The following GALNT17 variants were observed in gnomAD, a reference collection of about 807,000 sequenced individuals.
GALNT17 encodes the protein polypeptide N-acetylgalactosaminyltransferase 17.
GALNT17 carries 29 observed loss-of-function variants against 63.7 expected under a neutral mutation model. The ratio of observed to expected loss-of-function variants is 0.46; its 90% CI spans 0.34 to 0.62. The LOEUF is 0.62. Ranked by LOEUF, GALNT17 falls within the 20% of genes least tolerant of loss-of-function variation. The pLI, the probability that GALNT17 is intolerant of heterozygous loss-of-function variation, is 0.01. For missense variants in GALNT17, 603 were observed against 799.6 expected, an observed-to-expected ratio of 0.75 and a Z score of 2.97; for synonymous variants, 305 against 318.3, an observed-to-expected ratio of 0.96 and a Z score of 0.45.
At chr7:71,165,718 C>T (rs1788427880) in intron 1 of GALNT17, among the ~76,000 whole-genome samples, 1 of 152,116 alleles carries the variant, frequency 6.6e-6, no homozygotes, top group South Asian at 2.1e-4. Context: ...AACGATTTTC[C>T]TTTGTATTGC....
chr7:71,705,919 C>T (rs1387436862), intron 9 of GALNT17, among the ~76,000 whole-genome samples: 1 of 152,110 alleles, frequency 6.6e-6, no homozygotes, highest in Admixed American at 6.6e-5. Context: ...AAGAGACGCT[C>T]AAGGAAGGAG....
intron 1 of GALNT17, among the ~76,000 whole-genome samples, chr7:71,161,526 A>G (rs929153242): frequency 2.6e-5 from 4 of 152,100 alleles, no homozygotes; most frequent in South Asian, 2.1e-4. Context: ...GTGTTGATCA[A>G]TTTTTTGGAT....
chr7:71,406,574 C>A (rs1289452361), intron 3 of GALNT17, among the ~76,000 whole-genome samples: 2 of 152,068 alleles, frequency 1.3e-5, no homozygotes, highest in African/African-American at 4.8e-5. Context: ...TCTCCCCGCG[C>A]CACCATCTTT....
intron 9 of GALNT17, among the ~76,000 whole-genome samples, chr7:71,695,150 C>T (rs1419781606): frequency 1.3e-5 from 2 of 152,192 alleles, no homozygotes; most frequent in Admixed American, 6.5e-5. Flanking sequence ...CCTCTCTCAC[C>T]CAGCTCTTCC....
intron 5 of GALNT17, among the ~76,000 whole-genome samples, chr7:71,464,426 A>G (rs1787502598): frequency 1.3e-5 from 2 of 152,082 alleles, no homozygotes; most frequent in South Asian, 4.1e-4. Flanking sequence ...TTTGCCAAGA[A>G]CACGCTCCTG....
chr7:71,374,205 C>A (rs1212106624), intron 2 of GALNT17, among the ~76,000 whole-genome samples: 2 of 152,194 alleles, frequency 1.3e-5, no homozygotes, highest in Non-Finnish European at 2.9e-5. Flanking sequence ...GAAGCAGGAG[C>A]TTTGGAGTCA....
At chr7:71,495,951 C>T (rs575141066) in intron 5 of GALNT17, among the ~76,000 whole-genome samples, 8 of 152,222 alleles carry the variant, frequency 5.3e-5, no homozygotes, top group Middle Eastern at 3.4e-3. Context: ...ATTGAGAGTC[C>T]AGCCTGCCAA....
intron 6 of GALNT17, among the ~76,000 whole-genome samples, chr7:71,609,320 T>C (rs1204592534): frequency 6.6e-6 from 1 of 152,214 alleles, no homozygotes; most frequent in African/African-American, 2.4e-5. Context: ...AGATGAGGAC[T>C]GAGGTCACCA....
chr7:71,533,326 TAAC>T (rs1415461663), intron 5 of GALNT17, among the ~76,000 whole-genome samples: 2 of 152,240 alleles, frequency 1.3e-5, no homozygotes, highest in African/African-American at 4.8e-5. Flanking sequence ...TTGCAGTTGA[TAAC>T]AACCAAAACA....
intron 3 of GALNT17, among the ~76,000 whole-genome samples, chr7:71,414,658 G>C (rs926668287): frequency 6.6e-6 from 1 of 152,182 alleles, no homozygotes; most frequent in Non-Finnish European, 1.5e-5. Flanking sequence ...CCTGTTCCTG[G>C]GAAGAGCCAC....
chr7:71,286,616 T>C (rs1790878323), intron 1 of GALNT17, among the ~76,000 whole-genome samples: 1 of 152,110 alleles, frequency 6.6e-6, no homozygotes, highest in Non-Finnish European at 1.5e-5. Flanking sequence ...AAGGGAGCAT[T>C]GGGCACTAAT....
At chr7:71,273,991 A>G (rs1790639771) in intron 1 of GALNT17, among the ~76,000 whole-genome samples, 1 of 152,216 alleles carries the variant, frequency 6.6e-6, no homozygotes, top group Non-Finnish European at 1.5e-5. Flanking sequence ...GCATCTAAGC[A>G]TAGCATGTGC....
rs1562976701 is a variant in GALNT17 at position 71,293,253 on chromosome 7, T to C, written c.239-42297T>C. Among the ~76,000 whole-genome samples the C allele has an allele frequency of 2.0e-5, 3 of 152,204 alleles. No individual in the cohort carries two copies. The South Asian group carries it at 6.2e-4, about 32-fold the overall frequency. ...ATTGCTGGATCATGTGATAGTTCTATTTTTAATTTTTGGGGGGAACCACTA... is the reference window on the plus strand; with the variant it reads ...ATTGCTGGATCATGTGATAGTTCTACTTTTAATTTTTGGGGGGAACCACTA... On this transcript the variant is annotated intron_variant, in intron 1 of 10. Coordinates refer to ENST00000333538, the MANE Select transcript of GALNT17 (RefSeq NM_022479.3).
chr7:71,684,008 CAAAAAAAAA>C (rs5741642), intron 9 of GALNT17, among the ~76,000 whole-genome samples: 3 of 121,442 alleles, frequency 2.5e-5, no homozygotes, highest in African/African-American at 9.4e-5. Flanking sequence ...CACTCTGTCT[CAAAAAAAAA>C]AAAAAAAAAC....
intron 9 of GALNT17, among the ~76,000 whole-genome samples, chr7:71,702,932 T>A (rs1791672776): frequency 6.6e-6 from 1 of 152,150 alleles, no homozygotes; most frequent in Admixed American, 6.5e-5. Context: ...CACAAGAGGA[T>A]CAGTTCAGTT....
intron 1 of GALNT17, among the ~76,000 whole-genome samples, chr7:71,175,192 C>T (rs1036553068): frequency 6.6e-6 from 1 of 151,980 alleles, no homozygotes; most frequent in African/African-American, 2.4e-5. Context: ...ATCCATCCGT[C>T]TATCTATCCC....
At chr7:71,499,364 C>T (rs1788144724) in intron 5 of GALNT17, among the ~76,000 whole-genome samples, 3 of 152,112 alleles carry the variant, frequency 2.0e-5, no homozygotes, top group Admixed American at 2.0e-4. Flanking sequence ...AGTTCCAGAC[C>T]AGCCTGGGCA....
Position 71,569,939 on chromosome 7 carries a change from C to A in GALNT17, c.963-1346C>A, listed in dbSNP as rs751338784. Among the ~76,000 whole-genome samples the A allele has an allele frequency of 6.4e-4, 98 of 152,180 alleles. 1 individual carries two copies. The highest frequency in any genetic ancestry group is 2.2e-3 in the Admixed American group (34 of 15,274). ...TTGAATGGTAGTTCTATTTTTAGTT[C>A]TTTGAGAAATTTCCAAACTGCTTTC... On this transcript the variant is annotated intron_variant, in intron 5 of 10. Coordinates refer to ENST00000333538, the MANE Select transcript of GALNT17 (RefSeq NM_022479.3).
chr7:71,692,732 A>G (rs1461070238), intron 9 of GALNT17, among the ~76,000 whole-genome samples: 1 of 96,724 alleles, frequency 1.0e-5, no homozygotes, highest in Non-Finnish European at 1.9e-5. Context: ...TTTTATTTTT[A>G]TTCTATTTTT....
Sources: allele counts gnomAD v4.1 joint callset (sites outside exome capture counted in the v4.1 genomes callset), GRCh38; gene constraint gnomAD v4.1.1; transcripts MANE v1.5; gene names NCBI Gene and HGNC (gene_info 2026-07-23, HGNC 2026-07-21).